The following RFX8 variants were observed in gnomAD, a reference collection of about 807,000 sequenced individuals.
RFX8 encodes regulatory factor X8, also known as DNA-binding protein RFX8.
Under a neutral mutation model 54.6 loss-of-function variants are expected in RFX8, and 46 were observed. The ratio of observed to expected loss-of-function variants is 0.84; its 90% CI spans 0.67 to 1.08. RFX8 has a LOEUF of 1.08. RFX8 is among the 50% of genes least tolerant of loss of function. The probability of loss-of-function intolerance (pLI) is 0.00; values close to 1 mark genes in which losing one functional copy is unlikely to be tolerated. For missense variants in RFX8, 536 were observed against 562.3 expected (o/e 0.95, Z 0.47); for synonymous variants, 192 against 209.5 (o/e 0.92, Z 0.72).
chr2:101,464,094 T>C (rs1689435435), intron 2 of RFX8, among the ~76,000 whole-genome samples: 1 of 152,128 alleles, frequency 6.6e-6, no homozygotes, highest in Non-Finnish European at 1.5e-5. Context: ...GAAGATGAAG[T>C]CGCCATGTGG....
intron 1 of RFX8, 75 bp from the exon 2 acceptor site, chr2:101,466,975 G>A: frequency 4.3e-6 from 3 of 698,680 alleles, no homozygotes; most frequent in Admixed American, 2.3e-5. Flanking sequence ...CAAAATCAAT[G>A]GTCAAGATGT....
In RFX8 at chr2:101,418,916, C is replaced by T; in HGVS notation, c.286G>A (p.Val96Ile). Residue 96 changes from valine to isoleucine, a missense_variant, in exon 5 of 12, where the codon GTC becomes ATC. By Grantham distance (29) the Val-to-Ile change is conservative. Transcript: ENST00000428343. ...ACGTCAGGCAATGACATCAGCATGA[C>T]TGTGTCTTGCTGCAGAGACTTCCAG... ...SFWKSLQQDTVMLMSLPDVCQ... is the reference protein window; with the variant it reads ...SFWKSLQQDTIMLMSLPDVCQ... 6.4e-7 allele frequency: 1 copy of T among 1,551,532 alleles called. No homozygotes were observed. Among genetic ancestry groups the T allele is most frequent in the South Asian group, 1.2e-5 (1 of 84,058 alleles).
chr2:101,400,592 G>A (rs1685375948), intron 11 of RFX8, among the ~76,000 whole-genome samples: 1 of 152,236 alleles, frequency 6.6e-6, no homozygotes, highest in South Asian at 2.1e-4. Context: ...AAAGCCCTGT[G>A]GAGATGGTAC....
chr2:101,455,563 C>T (rs1573467577), intron 2 of RFX8, among the ~76,000 whole-genome samples: 1 of 152,234 alleles, frequency 6.6e-6, no homozygotes, highest in Non-Finnish European at 1.5e-5. Flanking sequence ...CTGTTCTGGT[C>T]CATTGGTCTA....
At chr2:101,400,862 G>A (rs1685400748) in intron 11 of RFX8, among the ~76,000 whole-genome samples, 4 of 152,108 alleles carry the variant, frequency 2.6e-5, no homozygotes, top group Admixed American at 2.0e-4. Context: ...GGGCTCTGCC[G>A]CCAGGTACAG....
intron 8 of RFX8, 107 bp from the exon 9 acceptor site, chr2:101,410,820 C>T (rs1005026145): frequency 1.1e-5 from 7 of 639,618 alleles, no homozygotes; most frequent in East Asian, 5.5e-5. Flanking sequence ...AACAATAGCT[C>T]GAAGGGACTC....
chr2:101,439,866 G>A (rs928012065), intron 2 of RFX8, among the ~76,000 whole-genome samples: 16 of 151,970 alleles, frequency 1.1e-4, no homozygotes, highest in Admixed American at 6.6e-4. Flanking sequence ...GTGAGCCACC[G>A]CGCATAGCCG....
intron 1 of RFX8, among the ~76,000 whole-genome samples, chr2:101,468,558 G>A (rs537539656): frequency 2.0e-5 from 3 of 152,164 alleles, no homozygotes; most frequent in Admixed American, 2.0e-4. Context: ...CCAAAGTGCT[G>A]GGATTACAGG....
rs1446852587 is a variant in RFX8 at position 101,469,062 on chromosome 2, A to C, written c.-52-2162T>G. The stretch of plus-strand genomic sequence containing the variant: ...TATATGTATATATATATACGTATAT[A>C]TATGTATATATATATAAGTGTATAT... On this transcript the variant is annotated intron_variant, in intron 1 of 11. Coordinates refer to ENST00000428343, the MANE Select transcript of RFX8 (RefSeq NM_001145664.2). Among the ~76,000 whole-genome samples, 3 of 21,700 alleles carry C rather than the reference A, an allele frequency of 1.4e-4. No homozygotes were observed. The South Asian group carries it at 7.4e-3, about 53-fold the overall frequency. 14.2% of individuals were successfully genotyped at this position (21,700 alleles called of 152,430 possible). A position where few individuals can be genotyped will look rare whatever the true frequency, so the allele number is the denominator to read the frequency against.
chr2:101,399,975 C>T (rs1378004668), intron 11 of RFX8, among the ~76,000 whole-genome samples: 1 of 152,168 alleles, frequency 6.6e-6, no homozygotes, highest in Non-Finnish European at 1.5e-5. Context: ...TTCCTGTTCT[C>T]CCACTGATTA....
At chr2:101,425,683 C>A (rs1412290344) in intron 2 of RFX8, among the ~76,000 whole-genome samples, 1 of 152,174 alleles carries the variant, frequency 6.6e-6, no homozygotes, top group Non-Finnish European at 1.5e-5. Context: ...TAGGCATAAA[C>A]CTTTCATTAA....
At chr2:101,442,877 AAG>A (rs1229532205) in intron 2 of RFX8, among the ~76,000 whole-genome samples, 1 of 151,962 alleles carries the variant, frequency 6.6e-6, no homozygotes, top group Non-Finnish European at 1.5e-5. Flanking sequence ...TGGGGAGCGG[AAG>A]AGTGTCAGTC....
intron 4 of RFX8, 34 bp from the exon 5 acceptor site, chr2:101,418,998 C>T: frequency 8.3e-7 from 1 of 1,205,086 alleles, no homozygotes; most frequent in Non-Finnish European, 1.2e-6. Context: ...CGCCAAAACT[C>T]GTTTTCCACC....
chr2:101,401,236 T>C (rs1021413571), intron 11 of RFX8, among the ~76,000 whole-genome samples: 7 of 152,180 alleles, frequency 4.6e-5, no homozygotes. Context: ...CTGGTAAACC[T>C]GAGAGATGCA....
intron 5 of RFX8, 112 bp downstream of exon 5, chr2:101,418,729 CCCACTATTCA>C (rs1686682517): frequency 1.4e-6 from 1 of 702,374 alleles, no homozygotes; most frequent in South Asian, 1.5e-5. Flanking sequence ...GTCCATACAC[CCCACTATTCA>C]CTCCTCAGAG....
At chr2:101,417,793 C>T (rs1440606593) in intron 5 of RFX8, 109 bp from the exon 6 acceptor site, 3 of 851,032 alleles carry the variant, frequency 3.5e-6, no homozygotes, top group Middle Eastern at 2.3e-4. Context: ...GAGAGCGGGT[C>T]CCCACCCAGG....
chr2:101,454,529 C>T (rs1688863540), intron 2 of RFX8, among the ~76,000 whole-genome samples: 1 of 152,176 alleles, frequency 6.6e-6, no homozygotes, highest in Admixed American at 6.5e-5. Flanking sequence ...TAAAAGCATT[C>T]CTATTTCTCC....
At chr2:101,463,732 A>G (rs1390930998) in intron 2 of RFX8, among the ~76,000 whole-genome samples, 1 of 152,136 alleles carries the variant, frequency 6.6e-6, no homozygotes, top group Non-Finnish European at 1.5e-5. Context: ...CCATGAAATA[A>G]GAACTATACA....
chr2:101,452,152 A>T (rs547026354), intron 2 of RFX8, among the ~76,000 whole-genome samples: 140 of 152,352 alleles, frequency 9.2e-4, no homozygotes, highest in African/African-American at 3.0e-3. Flanking sequence ...AACAATAAAA[A>T]TATATTGTAA....
Sources: gnomAD v4.1 joint callset for allele counts (sites outside exome capture counted in the v4.1 genomes callset) on GRCh38, gnomAD v4.1.1 for gene constraint, MANE v1.5 for transcripts, NCBI Gene and HGNC (gene_info 2026-07-23, HGNC 2026-07-21) for gene names.